The following PELI2 variants were observed in gnomAD, a reference collection of about 807,000 sequenced individuals.
The protein encoded by PELI2 is pellino E3 ubiquitin protein ligase family member 2, also known as E3 ubiquitin-protein ligase pellino homolog 2.
In PELI2, 23 loss-of-function variants were observed where a neutral mutation model predicts 42.3. That is an observed-to-expected ratio of 0.54 (90% CI 0.39 to 0.77). The LOEUF (loss-of-function observed/expected upper bound fraction) is 0.77. PELI2 is among the 30% of genes least tolerant of loss of function. PELI2 has a pLI of 0.00. For synonymous variants in PELI2, 245 were observed against 212.2 expected, an observed-to-expected ratio of 1.15 and a Z score of -1.34; for missense variants, 463 against 553.2, an observed-to-expected ratio of 0.84 and a Z score of 1.64.
chr14:56,275,229 A>T (rs1179835128), intron 2 of PELI2, among the ~76,000 whole-genome samples: 3 of 152,098 alleles, frequency 2.0e-5, no homozygotes, highest in African/African-American at 7.2e-5. Context: ...CAGCTGCCCA[A>T]TAGAGAAGTG....
rs1152466 is a variant in PELI2 at position 56,297,168 on chromosome 14, G to A, written c.*2G>A. 200,297 of 1,583,002 alleles carry A rather than the reference G, an allele frequency of 0.13. 13,700 individuals are homozygous for A. The highest frequency in any genetic ancestry group is 0.23 in the African/African-American group (17,090 of 74,610). The stretch of plus-strand genomic sequence containing the variant: ...ATTTTCCAAGGTCCAATTGACTGAC[G>A]CCCTTGACAGCCATCTACGACTTTA... On this transcript the variant is annotated 3_prime_UTR_variant, in exon 6 of 6. Transcript: ENST00000267460.
chr14:56,232,093 G>C (rs1887598451), intron 2 of PELI2, among the ~76,000 whole-genome samples: 1 of 152,112 alleles, frequency 6.6e-6, no homozygotes, highest in Non-Finnish European at 1.5e-5. Context: ...CAAATAGCAG[G>C]CTCTGAAATC....
rs548168637 is a variant in PELI2, at chr14:56,239,049, A to G, written c.208-40627A>G. On this transcript the variant is annotated intron_variant, in intron 2 of 5. Transcript: ENST00000267460. Reference sequence around the variant, plus strand: ...TTGATTAGAAGCATGAATTGATTCTAAATGTTATCACATTTTTCAGAGAGG... The same window carrying G: ...TTGATTAGAAGCATGAATTGATTCTGAATGTTATCACATTTTTCAGAGAGG... 2.6e-5 allele frequency among the ~76,000 whole-genome samples: 4 copies of G among 152,360 alleles called. No individual in the cohort carries two copies. The South Asian group carries it at 8.3e-4, about 32-fold the overall frequency.
chr14:56,160,425 G>C (rs1001435629), intron 1 of PELI2, among the ~76,000 whole-genome samples: 1 of 152,188 alleles, frequency 6.6e-6, no homozygotes, highest in African/African-American at 2.4e-5. Flanking sequence ...GGTGAGGGTA[G>C]GGGGCTGATG....
Position 56,197,971 on chromosome 14 carries a change from C to G in PELI2, c.207+19507C>G, listed in dbSNP as rs1293431419. Among the ~76,000 whole-genome samples, 1 of 22,590 alleles carries G rather than the reference C, an allele frequency of 4.4e-5. No individual in the cohort carries two copies. Among genetic ancestry groups the G allele is most frequent in the African/African-American group, 7.8e-5 (1 of 12,780 alleles). 14.8% of individuals were successfully genotyped at this position (22,590 alleles called of 152,430 possible). On this transcript the variant is annotated intron_variant, in intron 2 of 5. Transcript: ENST00000267460. This position sits in a 1 kb window ranked among gnomAD's most constrained non-coding sequence, Gnocchi z 4.9. ...CACCAGGGATCATGACTGGTGAAGA[C>G]ACACACACACACACACACACACACA...
At chr14:56,258,572 G>A (rs527839446) in intron 2 of PELI2, among the ~76,000 whole-genome samples, 1 of 128,704 alleles carries the variant, frequency 7.8e-6, no homozygotes, top group East Asian at 2.1e-4. Flanking sequence ...AAAATAACAT[G>A]TCTGAAATAA....
chr14:56,286,200 G>A (rs1276220011), intron 3 of PELI2, among the ~76,000 whole-genome samples: 1 of 152,196 alleles, frequency 6.6e-6, no homozygotes, highest in Non-Finnish European at 1.5e-5. Context: ...AAGAAAGAGA[G>A]GAGATAATAT....
At chr14:56,168,312 G>C (rs1885042220) in intron 1 of PELI2, among the ~76,000 whole-genome samples, 1 of 152,140 alleles carries the variant, frequency 6.6e-6, no homozygotes, top group Non-Finnish European at 1.5e-5. Flanking sequence ...CTGATGTCAG[G>C]GACTAGAGTC....
chr14:56,268,986 A>C (rs1428395331), intron 2 of PELI2, among the ~76,000 whole-genome samples: 1 of 152,178 alleles, frequency 6.6e-6, no homozygotes. Context: ...AGAACTTTGA[A>C]AGTCCTGATT....
chr14:56,202,637 G>A (rs191269430), intron 2 of PELI2, among the ~76,000 whole-genome samples: 2 of 152,290 alleles, frequency 1.3e-5, no homozygotes, highest in East Asian at 3.9e-4. Flanking sequence ...TGGGAGTGGG[G>A]AAGGGTGGGA....
intron 1 of PELI2, among the ~76,000 whole-genome samples, chr14:56,125,425 G>GGA (rs571801035): frequency 7.5e-5 from 11 of 146,756 alleles, no homozygotes; most frequent in South Asian, 4.3e-4. Flanking sequence ...CAGGGGGGGG[G>GGA]TGAATTGGCA....
At chr14:56,238,579 T>C (rs761128319) in intron 2 of PELI2, among the ~76,000 whole-genome samples, 1 of 152,170 alleles carries the variant, frequency 6.6e-6, no homozygotes, top group Non-Finnish European at 1.5e-5. Flanking sequence ...TAAGTAACTT[T>C]TGTTGGGTTT....
At chr14:56,253,103 CAT>C (rs1362975680) in intron 2 of PELI2, among the ~76,000 whole-genome samples, 1 of 152,192 alleles carries the variant, frequency 6.6e-6, no homozygotes, top group Non-Finnish European at 1.5e-5. Context: ...ACAAAAACCA[CAT>C]GATTGTCTCC....
At chr14:56,130,294 T>G (rs1883436909) in intron 1 of PELI2, among the ~76,000 whole-genome samples, 1 of 152,208 alleles carries the variant, frequency 6.6e-6, no homozygotes, top group Non-Finnish European at 1.5e-5. Context: ...ACTCATCATT[T>G]TATGCATGAA....
chr14:56,205,027 G>GT (rs1886464861), intron 2 of PELI2, among the ~76,000 whole-genome samples: 1 of 104,810 alleles, frequency 9.5e-6, no homozygotes, highest in South Asian at 3.7e-4. Context: ...GAGACTCCCT[G>GT]TCAAAAAAAA....
At chr14:56,162,597 T>C (rs1441909346) in intron 1 of PELI2, among the ~76,000 whole-genome samples, 1 of 152,250 alleles carries the variant, frequency 6.6e-6, no homozygotes, top group African/African-American at 2.4e-5. Flanking sequence ...CTCTTTGATG[T>C]ACTGATTTCC....
In PELI2 at chr14:56,219,274, C is replaced by T. The variant is rs1017584034; in HGVS notation, c.207+40810C>T. 6.6e-6 allele frequency among the ~76,000 whole-genome samples: 1 copy of T among 152,164 alleles called. No homozygotes were observed. The highest frequency in any genetic ancestry group is 2.4e-5 in the African/African-American group (1 of 41,516). On this transcript the variant is annotated intron_variant, in intron 2 of 5. Transcript: ENST00000267460. The surrounding 1 kb of genome is among the most constrained non-coding windows in gnomAD (Gnocchi z 4.1). ...AGAAGACAGAAGGAAGAAGCTCCCC[C>T]GTACAGAGACAGATGGGGGCTCCAA...
At chr14:56,277,216 G>A (rs1183413405) in intron 2 of PELI2, among the ~76,000 whole-genome samples, 1 of 152,144 alleles carries the variant, frequency 6.6e-6, no homozygotes, top group Non-Finnish European at 1.5e-5. Flanking sequence ...TGAGGAGCAG[G>A]TGAACAAGGG....
Position 56,180,183 on chromosome 14 carries a change from CT to C in PELI2, c.207+1721del, listed in dbSNP as rs1375953549. Among the ~76,000 whole-genome samples the C allele has an allele frequency of 2.6e-5, 4 of 152,108 alleles. No homozygotes were observed. Among genetic ancestry groups the C allele is most frequent in the African/African-American group, 9.7e-5 (4 of 41,422 alleles). On this transcript the variant is annotated intron_variant, in intron 2 of 5. Coordinates refer to ENST00000267460, the MANE Select transcript of PELI2 (RefSeq NM_021255.3). This position sits in a 1 kb window ranked among gnomAD's most constrained non-coding sequence, Gnocchi z 4.4. Reference sequence around the variant, plus strand: ...AAAGTAGGGCAGATTGGGTTTAGGTCTTGACCCTCTGTATTTTATAATCTGG... The same window carrying C: ...AAAGTAGGGCAGATTGGGTTTAGGTCTGACCCTCTGTATTTTATAATCTGG...
Sources: allele counts gnomAD v4.1 joint callset (sites outside exome capture counted in the v4.1 genomes callset), GRCh38; gene constraint gnomAD v4.1.1; non-coding constraint Gnocchi (gnomAD v3.1); transcripts MANE v1.5; gene names NCBI Gene and HGNC (gene_info 2026-07-23, HGNC 2026-07-21).